SSBP2: variants seen among roughly 807,000 people sequenced by gnomAD.
The protein encoded by SSBP2 is single-stranded DNA-binding protein 2.
SSBP2 carries 17 observed loss-of-function variants against 61.8 expected under a neutral mutation model. The ratio of observed to expected loss-of-function variants is 0.28; its 90% CI spans 0.19 to 0.41. The LOEUF (loss-of-function observed/expected upper bound fraction) is 0.41, where lower values mean the gene tolerates loss of function less well. SSBP2 is among the 10% of genes least tolerant of loss of function. The pLI is 1.00. For synonymous variants in SSBP2, 139 were observed against 141.3 expected (o/e 0.98, Z 0.12); for missense variants, 310 against 458.7 (o/e 0.68, Z 2.96).
rs1763105084 is a variant in SSBP2 at position 81,442,595 on chromosome 5, C to T, written c.849+58G>A. The T allele has an allele frequency of 3.4e-6, 3 of 870,404 alleles. No homozygotes were observed. The Admixed American group carries it at 6.7e-5, about 19-fold the overall frequency. The allele number at this position is 870,404 out of a possible 1,614,324, so 53.9% of individuals were successfully genotyped here. A position where few individuals can be genotyped will look rare whatever the true frequency, so the allele number is the denominator to read the frequency against. Reference sequence around the variant, plus strand: ...TAAACAATATACAGGACATGGAATGCACTCAGAGTTTGAAAGTCTTCAAAT... The same window carrying T: ...TAAACAATATACAGGACATGGAATGTACTCAGAGTTTGAAAGTCTTCAAAT... On this transcript the variant is annotated intron_variant, in intron 13 of 16. Coordinates refer to ENST00000320672, the MANE Select transcript of SSBP2 (RefSeq NM_012446.5).
At chr5:81,540,852 G>A (rs1476163322) in intron 4 of SSBP2, among the ~76,000 whole-genome samples, 2 of 151,662 alleles carry the variant, frequency 1.3e-5, no homozygotes, top group Non-Finnish European at 2.9e-5. Flanking sequence ...GACATGAAAT[G>A]TAACTCCATT....
chr5:81,433,021 C>G (rs1477181732), intron 15 of SSBP2, among the ~76,000 whole-genome samples: 1 of 151,524 alleles, frequency 6.6e-6, no homozygotes, highest in South Asian at 2.1e-4. Context: ...CCGCCCCTTC[C>G]GGGAGGTGAG....
rs115795364 is a variant in SSBP2 at position 81,721,751 on chromosome 5, G to A, written c.62+29230C>T. 4.8e-3 allele frequency among the ~76,000 whole-genome samples: 725 copies of A among 152,204 alleles called. 5 individuals carry two copies. Among genetic ancestry groups the A allele is most frequent in the African/African-American group, 0.017 (688 of 41,562 alleles). On this transcript the variant is annotated intron_variant, in intron 1 of 16. Coordinates refer to ENST00000320672, the MANE Select transcript of SSBP2 (RefSeq NM_012446.5). ...CTCTCTAACAGATTATGAGATCACA[G>A]ACATGACATTTAGTTTCCTGAACCA...
At position 81,719,011 on chromosome 5, in the gene SSBP2, C is replaced by T. The variant is rs145506633; in HGVS notation, c.62+31970G>A. 2.2e-3 allele frequency among the ~76,000 whole-genome samples: 340 copies of T among 152,208 alleles called. 1 individual carries two copies. The highest frequency in any genetic ancestry group is 7.9e-3 in the African/African-American group (327 of 41,534). On this transcript the variant is annotated intron_variant, in intron 1 of 16. Transcript: ENST00000320672. ...TTTTGGGGGTTTGTCCATTTTCCCC[C>T]GTTTACATTTTTTATAATAACAAGT...
chr5:81,461,853 A>G (rs949884681), intron 9 of SSBP2, among the ~76,000 whole-genome samples: 2 of 152,202 alleles, frequency 1.3e-5, no homozygotes, highest in Admixed American at 1.3e-4. Context: ...ATTAATGCCC[A>G]ATTAATTAAA....
chr5:81,514,224 T>C (rs894033062), intron 4 of SSBP2, among the ~76,000 whole-genome samples: 1 of 152,102 alleles, frequency 6.6e-6, no homozygotes, highest in African/African-American at 2.4e-5. Flanking sequence ...ATTATTCACT[T>C]TCTGATATAC....
At chr5:81,473,848 G>A in intron 7 of SSBP2, 78 bp from the exon 8 acceptor site, 2 of 1,301,008 alleles carry the variant, frequency 1.5e-6, no homozygotes, top group Non-Finnish European at 2.2e-6. Context: ...CTCCCTCCTG[G>A]GTGTTACTGT....
intron 1 of SSBP2, among the ~76,000 whole-genome samples, chr5:81,659,026 AGAGT>A (rs1750465492): frequency 6.6e-6 from 1 of 152,220 alleles, no homozygotes; most frequent in African/African-American, 2.4e-5. Context: ...CAAAATAATA[AGAGT>A]GATTTATGAC....
rs577946100 is a variant in SSBP2, at chr5:81,731,551, C to G, written c.62+19430G>C. On this transcript the variant is annotated intron_variant, in intron 1 of 16. Transcript: ENST00000320672. ...TTCCAGTAGCCATTTCAGTAAAGGA[C>G]CCTAAACAATACAAAGTCGATTACC... 2.6e-5 allele frequency among the ~76,000 whole-genome samples: 4 copies of G among 152,178 alleles called. No individual in the cohort carries two copies. The East Asian group carries it at 7.7e-4, about 29-fold the overall frequency.
At chr5:81,425,209 A>T (rs1443992911) in intron 16 of SSBP2, among the ~76,000 whole-genome samples, 1 of 152,216 alleles carries the variant, frequency 6.6e-6, no homozygotes, top group Non-Finnish European at 1.5e-5. Flanking sequence ...AACAATGTGT[A>T]TAAATTTCTG....
rs138408391 is a variant in SSBP2, at chr5:81,525,386, A to G, written c.283-11669T>C. Among the ~76,000 whole-genome samples, 13 of 152,016 alleles carry G rather than the reference A, an allele frequency of 8.6e-5. No individual in the cohort carries two copies. The Middle Eastern group carries it at 0.01, about 119-fold the overall frequency. On this transcript the variant is annotated intron_variant, in intron 4 of 16. Transcript: ENST00000320672. ...GTCTGTTGTTCCCCTCTTTGTGTCCACATCTTTTAATCATTTAGCACCCAC... is the reference window on the plus strand; with the variant it reads ...GTCTGTTGTTCCCCTCTTTGTGTCCGCATCTTTTAATCATTTAGCACCCAC...
At chr5:81,446,041 A>C (rs143609048) in intron 12 of SSBP2, among the ~76,000 whole-genome samples, 67 of 152,268 alleles carry the variant, frequency 4.4e-4, no homozygotes, top group African/African-American at 1.5e-3. Context: ...CTAAAATTGA[A>C]TTAGGCATGA....
intron 4 of SSBP2, among the ~76,000 whole-genome samples, chr5:81,581,974 A>T (rs1211800125): frequency 2.0e-5 from 3 of 152,184 alleles, no homozygotes; most frequent in Admixed American, 2.0e-4. Context: ...TATTGATAGT[A>T]ATCAAATTGT....
Position 81,428,659 on chromosome 5 carries a change from T to G in SSBP2, c.982A>C (p.Ser328Arg), listed in dbSNP as rs1357537880. 6.2e-7 allele frequency: 1 copy of G among 1,613,078 alleles called. No individual in the cohort carries two copies. The highest frequency in any genetic ancestry group is 8.5e-7 in the Non-Finnish European group (1 of 1,179,384). Reference sequence around the variant, plus strand: ...TCCCTTGGAGTGCCCGGTTGATTACTCAGGCTCATATTATTGGGAGAATTC... The same window carrying G: ...TCCCTTGGAGTGCCCGGTTGATTACGCAGGCTCATATTATTGGGAGAATTC... The change falls in exon 16 of 17, where the codon AGT becomes CGT. Residue 328 changes from serine (S) to arginine (R), a missense_variant. By Grantham distance (110) the Ser-to-Arg change is moderately radical (BLOSUM62 -1). Coordinates refer to ENST00000320672, the MANE Select transcript of SSBP2 (RefSeq NM_012446.5).
At chr5:81,495,057 C>T (rs1561468095) in intron 5 of SSBP2, among the ~76,000 whole-genome samples, 1 of 152,098 alleles carries the variant, frequency 6.6e-6, no homozygotes, top group Non-Finnish European at 1.5e-5. Context: ...AGCACAAAAG[C>T]AGTAGTTTCC....
At chr5:81,483,060 A>G (rs1448517337) in intron 6 of SSBP2, among the ~76,000 whole-genome samples, 1 of 152,158 alleles carries the variant, frequency 6.6e-6, no homozygotes, top group Non-Finnish European at 1.5e-5. Flanking sequence ...TGGTCGGTGG[A>G]GCAGTCAGAA....
intron 1 of SSBP2, among the ~76,000 whole-genome samples, chr5:81,727,406 G>A (rs188257225): frequency 2.0e-5 from 3 of 152,216 alleles, no homozygotes; most frequent in Non-Finnish European, 2.9e-5. Context: ...AAAGTTAGCC[G>A]GGAGTGGTGG....
intron 5 of SSBP2, among the ~76,000 whole-genome samples, chr5:81,507,048 G>A (rs1370291629): frequency 6.6e-6 from 1 of 151,492 alleles, no homozygotes; most frequent in Non-Finnish European, 1.5e-5. Flanking sequence ...TTCTTATTGC[G>A]TTATTACTAT....
At chr5:81,684,411 A>ATT (rs1474049737) in intron 1 of SSBP2, among the ~76,000 whole-genome samples, 1 of 152,168 alleles carries the variant, frequency 6.6e-6, no homozygotes, top group Non-Finnish European at 1.5e-5. Flanking sequence ...TGGATACAGC[A>ATT]AAAAGATCAG....
Sources: allele counts gnomAD v4.1 joint callset (sites outside exome capture counted in the v4.1 genomes callset), GRCh38; gene constraint gnomAD v4.1.1; transcripts MANE v1.5; gene names NCBI Gene and HGNC (gene_info 2026-07-23, HGNC 2026-07-21).